The following DPP6 variants were observed in gnomAD, a reference collection of about 807,000 sequenced individuals.
DPP6 encodes the protein dipeptidyl peptidase like 6.
In DPP6, 69 loss-of-function variants were observed where a neutral mutation model predicts 122.6. The ratio of observed to expected loss-of-function variants is 0.56; its 90% CI spans 0.46 to 0.69. The LOEUF (loss-of-function observed/expected upper bound fraction) is 0.69, where lower values mean the gene tolerates loss of function less well. Ranked by LOEUF, DPP6 falls within the 30% of genes least tolerant of loss-of-function variation. The pLI is 0.00. For missense variants in DPP6, 928 were observed against 1,116.9 expected, an observed-to-expected ratio of 0.83 and a Z score of 2.41; for synonymous variants, 418 against 433.1, an observed-to-expected ratio of 0.97 and a Z score of 0.43.
At chr7:154,195,459 G>A (rs1266236635) in intron 1 of DPP6, among the ~76,000 whole-genome samples, 1 of 152,094 alleles carries the variant, frequency 6.6e-6, no homozygotes, top group Non-Finnish European at 1.5e-5. Context: ...GCCATTGGCC[G>A]GCAGCCTGTT....
At chr7:154,511,976 T>A (rs1448603977) in intron 3 of DPP6, among the ~76,000 whole-genome samples, 2 of 152,226 alleles carry the variant, frequency 1.3e-5, no homozygotes, top group Non-Finnish European at 2.9e-5. Context: ...TATCACATAA[T>A]CAGTTCCTTG....
At chr7:154,061,861 G>A (rs1255671990) in intron 1 of DPP6, among the ~76,000 whole-genome samples, 1 of 133,804 alleles carries the variant, frequency 7.5e-6, no homozygotes, top group Non-Finnish European at 1.6e-5. Flanking sequence ...CGCTGGGGGC[G>A]GAGGCACCCC....
chr7:154,473,359 G>A (rs1030812076), intron 2 of DPP6, among the ~76,000 whole-genome samples: 2 of 152,162 alleles, frequency 1.3e-5, no homozygotes, highest in Non-Finnish European at 2.9e-5. Flanking sequence ...AATGCACTAT[G>A]TTCAGCGCCC....
At chr7:154,587,216 G>A (rs1470316197) in intron 5 of DPP6, 1 of 210,304 alleles carries the variant, frequency 4.8e-6, no homozygotes, top group Non-Finnish European at 9.6e-6. Flanking sequence ...CACTTCGGTG[G>A]ACTCTCACCA....
rs966071206 is a variant in DPP6, at chr7:154,784,636, A to G, written c.1137-9443A>G. On this transcript the variant is annotated intron_variant, in intron 10 of 25. Transcript: ENST00000377770. ...TGTTGAGAATATACGTGAGACCCTTACCTGTTCCGAGTTTGTGAGGTCAGC... is the reference window on the plus strand; with the variant it reads ...TGTTGAGAATATACGTGAGACCCTTGCCTGTTCCGAGTTTGTGAGGTCAGC... Among the ~76,000 whole-genome samples, 4 of 152,218 alleles carry G rather than the reference A, an allele frequency of 2.6e-5. No homozygotes were observed. The East Asian group carries it at 7.7e-4, about 29-fold the overall frequency.
At chr7:154,198,339 T>C (rs1222353572) in intron 1 of DPP6, among the ~76,000 whole-genome samples, 2 of 151,570 alleles carry the variant, frequency 1.3e-5, no homozygotes, top group African/African-American at 4.9e-5. Flanking sequence ...TGAGATAGGG[T>C]CTCACTCTGT....
intron 1 of DPP6, among the ~76,000 whole-genome samples, chr7:154,087,734 T>G (rs566513846): frequency 1.3e-5 from 2 of 152,320 alleles, no homozygotes; most frequent in South Asian, 4.1e-4. Context: ...TTTGTTAAAT[T>G]TTATAGCCCA....
rs755035111 is a variant in DPP6 at position 154,803,816 on chromosome 7, G to C, written c.1408-48G>C. 4.4e-6 allele frequency: 7 copies of C among 1,590,866 alleles called. No individual in the cohort carries two copies. The South Asian group carries it at 6.8e-5, about 15-fold the overall frequency. On this transcript the variant is annotated intron_variant, in intron 13 of 25. Transcript: ENST00000377770. ...GTTGGAGGATGAAGAGCCATGCTGG[G>C]GCCGGGACACCGGTGTCTGCTCCTG...
chr7:154,583,217 TA>T (rs1286503450), intron 5 of DPP6, among the ~76,000 whole-genome samples: 4 of 152,226 alleles, frequency 2.6e-5, no homozygotes, highest in Admixed American at 2.6e-4. Context: ...CAGACGTGTG[TA>T]TCTCAGAGTT....
intron 18 of DPP6, 84 bp downstream of exon 18, chr7:154,868,177 C>T (rs1357192772): frequency 2.0e-6 from 3 of 1,507,488 alleles, no homozygotes; most frequent in South Asian, 1.3e-5. Context: ...GCAGCAGGTG[C>T]CCTGCAAGGA....
chr7:154,758,754 GTTTGT>G (rs765345263), intron 8 of DPP6, among the ~76,000 whole-genome samples: 1 of 151,740 alleles, frequency 6.6e-6, no homozygotes, highest in Non-Finnish European at 1.5e-5. Context: ...TTGTTTGTTT[GTTTGT>G]TTTGTTTTGT....
intron 16 of DPP6, among the ~76,000 whole-genome samples, chr7:154,824,364 C>T (rs1800002976): frequency 6.6e-6 from 1 of 152,252 alleles, no homozygotes; most frequent in Non-Finnish European, 1.5e-5. Flanking sequence ...ACTGCAACCT[C>T]TGCCTCCCGG....
At chr7:154,889,423 T>C (rs762078138) in intron 24 of DPP6, 34 bp from the exon 25 acceptor site, 11 of 1,587,668 alleles carry the variant, frequency 6.9e-6, no homozygotes, top group African/African-American at 1.4e-5. Context: ...TTAACAAATG[T>C]CTTCCTCTCT....
At chr7:154,879,823 T>C (rs1470386676) in intron 20 of DPP6, among the ~76,000 whole-genome samples, 2 of 152,192 alleles carry the variant, frequency 1.3e-5, no homozygotes, top group Non-Finnish European at 2.9e-5. Flanking sequence ...CTGAGAGTTA[T>C]GGCTCTTTGT....
Position 154,052,720 on chromosome 7 carries a change from C to CTTTT in DPP6, c.-91_-88dup. 8.8e-7 allele frequency: 1 copy of CTTTT among 1,138,318 alleles called. No individual in the cohort carries two copies. Among genetic ancestry groups the CTTTT allele is most frequent in the South Asian group, 1.7e-5 (1 of 59,694 alleles). 70.5% of individuals were successfully genotyped at this position (1,138,318 alleles called of 1,614,324 possible). On this transcript the variant is annotated 5_prime_UTR_variant, in exon 1 of 26. Transcript: ENST00000377770. The surrounding 1 kb of genome is among the most constrained non-coding windows in gnomAD (Gnocchi z 4.8). ...GCTGCTGCTGCTGCCTCCCCACCGC[C>CTTTT]TTTTTTTTTTTTTAATCTGGAGCGG...
At chr7:154,135,416 C>T (rs1373975163) in intron 1 of DPP6, among the ~76,000 whole-genome samples, 1 of 151,744 alleles carries the variant, frequency 6.6e-6, no homozygotes, top group African/African-American at 2.4e-5. Context: ...TATCTATGCA[C>T]TTCCTAAGAG....
intron 1 of DPP6, among the ~76,000 whole-genome samples, chr7:154,413,716 T>G (rs1326966507): frequency 1.3e-5 from 2 of 152,218 alleles, no homozygotes; most frequent in African/African-American, 2.4e-5. Context: ...GTCAAATTCT[T>G]TCTTTGTAAC....
intron 6 of DPP6, among the ~76,000 whole-genome samples, chr7:154,667,687 A>C (rs1838251451): frequency 6.6e-6 from 1 of 152,152 alleles, no homozygotes; most frequent in South Asian, 2.1e-4. Flanking sequence ...CTGCCACTGC[A>C]CTCCAGCCTG....
intron 5 of DPP6, among the ~76,000 whole-genome samples, chr7:154,596,778 GAGGCGAATCTGA>G (rs1833120087): frequency 6.6e-6 from 1 of 152,210 alleles, no homozygotes; most frequent in Non-Finnish European, 1.5e-5. Context: ...CTTGACAAAT[GAGGCGAATCTGA>G]ACACCTTTGG....
Sources: allele counts gnomAD v4.1 joint callset (sites outside exome capture counted in the v4.1 genomes callset), GRCh38; gene constraint gnomAD v4.1.1; non-coding constraint Gnocchi (gnomAD v3.1); transcripts MANE v1.5; gene names NCBI Gene and HGNC (gene_info 2026-07-23, HGNC 2026-07-21).